The following CNTN1 variants were observed in gnomAD, a reference collection of about 807,000 sequenced individuals.
CNTN1 encodes contactin-1.
In CNTN1, 38 loss-of-function variants were observed where a neutral mutation model predicts 126.4. The observed-to-expected ratio is 0.30, with a 90% confidence interval of 0.23 to 0.39. The LOEUF (loss-of-function observed/expected upper bound fraction) is 0.39. Among genes scored for constraint, CNTN1 ranks in the 10% least tolerant of loss-of-function variants. The probability of loss-of-function intolerance (pLI) is 1.00; values close to 1 mark genes in which losing one functional copy is unlikely to be tolerated. For missense variants in CNTN1, 1,009 were observed against 1,248.4 expected (o/e 0.81, Z 2.89); for synonymous variants, 413 against 422.6 (o/e 0.98, Z 0.28).
chr12:40,771,378 C>T (rs1056493957), intron 1 of CNTN1, among the ~76,000 whole-genome samples: 8 of 151,780 alleles, frequency 5.3e-5, no homozygotes, highest in South Asian at 2.1e-4. Flanking sequence ...GATAATTTGC[C>T]GAGAAGCTTA....
At chr12:40,937,042 A>C (rs1946105591) in intron 10 of CNTN1, 137 bp downstream of exon 10, 2 of 1,064,540 alleles carry the variant, frequency 1.9e-6, no homozygotes, top group South Asian at 2.6e-5. Context: ...TTCCTAAAAA[A>C]GACAAAAACT....
intron 19 of CNTN1, among the ~76,000 whole-genome samples, chr12:41,017,679 T>C (rs889958906): frequency 6.6e-6 from 1 of 152,194 alleles, no homozygotes; most frequent in Non-Finnish European, 1.5e-5. Context: ...ACCATGGTCA[T>C]AGAAGACTTT....
intron 3 of CNTN1, among the ~76,000 whole-genome samples, chr12:40,911,888 TGTGAGG>T (rs769696620): frequency 4.6e-5 from 7 of 152,214 alleles, no homozygotes; most frequent in African/African-American, 9.6e-5. Flanking sequence ...GTCTGAGTCA[TGTGAGG>T]GATAGGTTGA....
intron 1 of CNTN1, among the ~76,000 whole-genome samples, chr12:40,722,837 G>A (rs1335470153): frequency 2.6e-5 from 4 of 152,086 alleles, no homozygotes; most frequent in African/African-American, 9.7e-5. Context: ...CTGCATATAT[G>A]CTGAAGGAAA....
At chr12:41,036,240 C>T (rs924895325) in intron 23 of CNTN1, among the ~76,000 whole-genome samples, 2 of 152,058 alleles carry the variant, frequency 1.3e-5, no homozygotes, top group Non-Finnish European at 2.9e-5. Context: ...CCAATTCTTC[C>T]CCTTCTGCCT....
rs146610917 is a variant in CNTN1, at chr12:40,920,209, C to T, written c.227+1438C>T. Among the ~76,000 whole-genome samples the T allele has an allele frequency of 5.0e-3, 763 of 152,240 alleles. 13 individuals carry two copies. Among genetic ancestry groups the T allele is most frequent in the East Asian group, 0.043 (221 of 5,184 alleles). Reference sequence around the variant, plus strand: ...ACACAAGGGACCTTAGCAAATCAGTCTCTAGGCTAGAACAGAGGCAACCAA... The same window carrying T: ...ACACAAGGGACCTTAGCAAATCAGTTTCTAGGCTAGAACAGAGGCAACCAA... On this transcript the variant is annotated intron_variant, in intron 4 of 23. Transcript: ENST00000551295.
At chr12:40,926,940 T>G (rs946311431) in intron 6 of CNTN1, among the ~76,000 whole-genome samples, 1 of 152,136 alleles carries the variant, frequency 6.6e-6, no homozygotes, top group Non-Finnish European at 1.5e-5. Context: ...TTACTTCAGC[T>G]GAAGGAATAG....
intron 1 of CNTN1, among the ~76,000 whole-genome samples, chr12:40,718,496 C>T (rs187711146): frequency 3.3e-5 from 5 of 152,190 alleles, no homozygotes; most frequent in Admixed American, 1.3e-4. Flanking sequence ...GTGCCTTCTC[C>T]GATAAGGAAC....
intron 16 of CNTN1, among the ~76,000 whole-genome samples, chr12:40,985,343 C>A (rs1947931023): frequency 2.0e-5 from 3 of 151,934 alleles, no homozygotes; most frequent in East Asian, 3.9e-4. Flanking sequence ...CTGTAAAACT[C>A]TTTTTTTATC....
chr12:40,869,070 TATTA>T (rs912666209), intron 1 of CNTN1, among the ~76,000 whole-genome samples: 2 of 151,988 alleles, frequency 1.3e-5, no homozygotes. Context: ...ATTAAATTTC[TATTA>T]ATTTTGAATA....
intron 1 of CNTN1, among the ~76,000 whole-genome samples, chr12:40,779,620 G>T (rs916677714): frequency 6.6e-6 from 1 of 151,836 alleles, no homozygotes; most frequent in African/African-American, 2.4e-5. Context: ...TTTTAAATGT[G>T]TTTCTTTAGA....
At chr12:40,839,240 AAAACTT>A (rs945110329) in intron 1 of CNTN1, among the ~76,000 whole-genome samples, 3 of 152,208 alleles carry the variant, frequency 2.0e-5, no homozygotes, top group Admixed American at 6.5e-5. Context: ...ATATAGAAAA[AAAACTT>A]AAAAAGAATG....
At chr12:40,904,378 C>A in intron 1 of CNTN1, among the ~76,000 whole-genome samples, 1 of 109,762 alleles carries the variant, frequency 9.1e-6, no homozygotes, top group Non-Finnish European at 1.9e-5. Flanking sequence ...TCCTTCCTTC[C>A]TTCTTTCCTT....
At chr12:40,761,140 T>C (rs1037179411) in intron 1 of CNTN1, among the ~76,000 whole-genome samples, 2 of 152,120 alleles carry the variant, frequency 1.3e-5, no homozygotes, top group African/African-American at 4.8e-5. Context: ...CTAAGTGAAA[T>C]ACAGTTTGGA....
chr12:40,914,805 A>G (rs1009196957), intron 3 of CNTN1, among the ~76,000 whole-genome samples: 2 of 152,158 alleles, frequency 1.3e-5, no homozygotes, highest in Non-Finnish European at 2.9e-5. Context: ...ATTGTAACTG[A>G]GAAGAAAAAG....
chr12:41,042,764 A>G (rs1228776836), intron 23 of CNTN1, among the ~76,000 whole-genome samples: 2 of 152,208 alleles, frequency 1.3e-5, no homozygotes, highest in Non-Finnish European at 2.9e-5. Context: ...ACAAGTCTAC[A>G]GTAACCAAAA....
chr12:40,928,889 T>A (rs1945787297), intron 6 of CNTN1, among the ~76,000 whole-genome samples: 1 of 152,050 alleles, frequency 6.6e-6, no homozygotes, highest in South Asian at 2.1e-4. Flanking sequence ...TGCTGTGATT[T>A]CTTGGTTTTT....
intron 15 of CNTN1, among the ~76,000 whole-genome samples, chr12:40,959,675 T>C (rs2137008590): frequency 6.6e-6 from 1 of 152,254 alleles, no homozygotes; most frequent in East Asian, 1.9e-4. Flanking sequence ...ACATGTATCA[T>C]GTTTTTATTT....
At chr12:41,011,536 C>A (rs1948653225) in intron 17 of CNTN1, among the ~76,000 whole-genome samples, 1 of 152,200 alleles carries the variant, frequency 6.6e-6, no homozygotes, top group African/African-American at 2.4e-5. Context: ...TTCCTGGCAT[C>A]CTGGCACCTT....
Sources: allele counts gnomAD v4.1 joint callset (sites outside exome capture counted in the v4.1 genomes callset), GRCh38; gene constraint gnomAD v4.1.1; transcripts MANE v1.5; gene names NCBI Gene and HGNC (gene_info 2026-07-23, HGNC 2026-07-21).